FBXO9: variants seen among roughly 807,000 people sequenced by gnomAD.
FBXO9 encodes F-box only protein 9.
FBXO9 carries 43 observed loss-of-function variants against 63.7 expected under a neutral mutation model. That is an observed-to-expected ratio of 0.67 (90% CI 0.53 to 0.87). The LOEUF is 0.87. FBXO9 is among the 40% of genes least tolerant of loss of function. FBXO9 has a pLI of 0.00. For missense variants in FBXO9, 442 were observed against 533.2 expected (o/e 0.83, Z 1.68); for synonymous variants, 156 against 171.7 (o/e 0.91, Z 0.72).
In FBXO9 at chr6:53,065,466, G is replaced by A; in HGVS notation, c.-324G>A. 3.1e-6 allele frequency: 1 copy of A among 317,606 alleles called. No individual in the cohort carries two copies. Among genetic ancestry groups the A allele is most frequent in the Non-Finnish European group, 5.7e-6 (1 of 174,224 alleles). 19.7% of individuals were successfully genotyped at this position (317,606 alleles called of 1,614,324 possible). A position where few individuals can be genotyped will look rare whatever the true frequency, so the allele number is the denominator to read the frequency against. On this transcript the variant is annotated 5_prime_UTR_variant, in exon 1 of 13. Coordinates refer to ENST00000323557, the MANE Select transcript of FBXO9 (RefSeq NM_033480.3). ...GGGCAGCTCCGCGGCGGCGTCCGGG[G>A]TCTCCAGTAGGGCTGACGCTCCGGT...
At position 53,095,726 on chromosome 6, in the gene FBXO9, A is replaced by T. The variant is rs1359041245; in HGVS notation, c.1205+62A>T. The T allele has an allele frequency of 2.8e-6, 4 of 1,419,818 alleles. No individual in the cohort carries two copies. In the African/African-American group the frequency reaches 5.8e-5, roughly 20 times the overall value. The allele number at this position is 1,419,818 out of a possible 1,614,324, so 88.0% of individuals were successfully genotyped here. A position where few individuals can be genotyped will look rare whatever the true frequency, so the allele number is the denominator to read the frequency against. ...TAAATGTATACTTCGTATCCAGCTT[A>T]AGAATTTCAGATATGTTTCTAATTT... On this transcript the variant is annotated intron_variant, in intron 12 of 12. Coordinates refer to ENST00000323557, the MANE Select transcript of FBXO9 (RefSeq NM_033480.3).
chr6:53,094,029 A>G, intron 11 of FBXO9, 51 bp downstream of exon 11: 1 of 1,173,388 alleles, frequency 8.5e-7, no homozygotes, highest in Non-Finnish European at 1.2e-6. Context: ...TAGCCTATTC[A>G]TCCAAGCAGT....
intron 6 of FBXO9, among the ~76,000 whole-genome samples, chr6:53,081,316 G>T (rs1228576266): frequency 6.6e-6 from 1 of 152,188 alleles, no homozygotes; most frequent in Non-Finnish European, 1.5e-5. Context: ...CTGTCACCCA[G>T]GCTGGAGTGC....
intron 12 of FBXO9, among the ~76,000 whole-genome samples, chr6:53,096,154 T>TG (rs1394936724): frequency 6.6e-6 from 1 of 152,222 alleles, no homozygotes; most frequent in Non-Finnish European, 1.5e-5. Flanking sequence ...ATTTGTTAGG[T>TG]GATTCCTATT....
Position 53,095,486 on chromosome 6 carries a change from ATAACTTAT to A in FBXO9, c.1054-26_1054-19del. On this transcript the variant is annotated intron_variant, in intron 11 of 12. Transcript: ENST00000323557. Reference sequence around the variant, plus strand: ...CATAGAAGTGAGGTAAGGTTTCATTATAACTTATGCATCTTTTCTTTTGCAGAAACCAC... The same window carrying A: ...CATAGAAGTGAGGTAAGGTTTCATTAGCATCTTTTCTTTTGCAGAAACCAC... The A allele has an allele frequency of 6.3e-7, 1 of 1,583,294 alleles. No individual in the cohort carries two copies. Among genetic ancestry groups the A allele is most frequent in the Non-Finnish European group, 8.6e-7 (1 of 1,164,734 alleles).
intron 11 of FBXO9, 89 bp downstream of exon 11, chr6:53,094,067 C>G (rs1018128798): frequency 4.0e-5 from 27 of 672,762 alleles, no homozygotes; most frequent in South Asian, 1.3e-4. Context: ...CAAAAAAAAC[C>G]CTTTCTGATT....
intron 1 of FBXO9, chr6:53,068,146 T>G (rs1315270140): frequency 1.3e-5 from 2 of 152,100 alleles, no homozygotes; most frequent in Non-Finnish European, 2.9e-5. Flanking sequence ...TTGTAAAACT[T>G]ACCATCTTTG....
intron 4 of FBXO9, 126 bp downstream of exon 4, chr6:53,076,669 A>C: frequency 1.6e-6 from 1 of 641,682 alleles, no homozygotes; most frequent in Middle Eastern, 4.4e-4. Flanking sequence ...TTCTTCCTTC[A>C]GTACTCATTG....
intron 12 of FBXO9, among the ~76,000 whole-genome samples, chr6:53,096,778 A>T (rs904381150): frequency 1.2e-4 from 18 of 152,130 alleles, no homozygotes; most frequent in African/African-American, 4.3e-4. Flanking sequence ...GGTGGTATGC[A>T]TCTTGAAGTC....
chr6:53,078,902 C>A lies in FBXO9; in HGVS notation c.407+4C>A. ...GTGATGGCGTTGGAAACAGCTAGTG[C>A]GTATATAATTTGATAGATAGTAATG... On this transcript the variant is annotated splice_donor_region_variant and intron_variant, in intron 5 of 12. Coordinates refer to ENST00000323557, the MANE Select transcript of FBXO9 (RefSeq NM_033480.3). 6.2e-7 allele frequency: 1 copy of A among 1,605,440 alleles called. No homozygotes were observed. The highest frequency in any genetic ancestry group is 8.5e-7 in the Non-Finnish European group (1 of 1,172,288).
At chr6:53,073,426 TC>T in intron 2 of FBXO9, 54 bp from the exon 3 acceptor site, 1 of 1,495,510 alleles carries the variant, frequency 6.7e-7, no homozygotes, top group Non-Finnish European at 9.2e-7. Flanking sequence ...GATACATTGT[TC>T]CAGAGTTGAG....
chr6:53,093,443 G>A (rs1436227308), intron 9 of FBXO9, 23 bp from the exon 10 acceptor site: 2 of 1,563,634 alleles, frequency 1.3e-6, no homozygotes, highest in South Asian at 2.2e-5. Flanking sequence ...GTGTGTTTTG[G>A]TCTTCCTTTT....
At chr6:53,092,884 G>A (rs1763084724) in intron 9 of FBXO9, 60 bp downstream of exon 9, 2 of 1,163,156 alleles carry the variant, frequency 1.7e-6, no homozygotes. Context: ...TTAGTTAAAT[G>A]GACATCTGTT....
chr6:53,070,180 G>T (rs1439815526), intron 1 of FBXO9, among the ~76,000 whole-genome samples: 2 of 151,344 alleles, frequency 1.3e-5, no homozygotes, highest in Non-Finnish European at 2.9e-5. Flanking sequence ...CACCACGCCT[G>T]GCTGATTTTT....
intron 3 of FBXO9, among the ~76,000 whole-genome samples, chr6:53,075,697 T>TCAACA: frequency 6.7e-6 from 1 of 149,034 alleles, no homozygotes; most frequent in Non-Finnish European, 1.5e-5. Context: ...AAATATCTGT[T>TCAACA]GATGTCTTTT....
Position 53,069,797 on chromosome 6 carries a change from T to C in FBXO9, c.4-1260T>C, listed in dbSNP as rs1768843523. On this transcript the variant is annotated intron_variant, in intron 1 of 12. Transcript: ENST00000323557. ...CTGTGAAATATATGTATTTTACATA[T>C]GACATCTTGAGAAATATGAATACTG... 2.0e-5 allele frequency among the ~76,000 whole-genome samples: 3 copies of C among 152,156 alleles called. No individual in the cohort carries two copies. In the South Asian group the frequency reaches 6.2e-4, roughly 31 times the overall value.
chr6:53,097,926 G>GTATATATATATATATATATATATATA lies in FBXO9; in HGVS notation c.*120_*145dup, dbSNP rs57607929. 1.1e-5 allele frequency: 1 copy of GTATATATATATATATATATATATATA among 88,296 alleles called. No individual in the cohort carries two copies. The highest frequency in any genetic ancestry group is 5.5e-5 in the African/African-American group (1 of 18,068). The allele number at this position is 88,296 out of a possible 1,614,324, so 5.5% of individuals were successfully genotyped here. The stretch of plus-strand genomic sequence containing the variant: ...TAAATGTGTGTGTGTGCGTGTGTGT[G>GTATATATATATATATATATATATATA]TATATATATATATATATATATATAT... On this transcript the variant is annotated 3_prime_UTR_variant, in exon 13 of 13. Coordinates refer to ENST00000323557, the MANE Select transcript of FBXO9 (RefSeq NM_033480.3).
At position 53,081,056 on chromosome 6, in the gene FBXO9, C is replaced by G. The variant is rs753128631; in HGVS notation, c.496C>G (p.Leu166Val). ...QLTFQESVLKLCQPELESSQI... is the reference protein window; with the variant it reads ...QLTFQESVLKVCQPELESSQI... ...CACATTTCAGGAGTCTGTGCTTAAA[C>G]TGTGTCAGCCTGAGCTTGAGAGCAG... Residue 166 changes from leucine (L) to valine (V), a missense_variant, in exon 6 of 13, where the codon CTG becomes GTG. Transcript: ENST00000323557. The G allele has an allele frequency of 3.1e-6, 5 of 1,613,090 alleles. No individual in the cohort carries two copies. The South Asian group carries it at 5.5e-5, about 18-fold the overall frequency.
chr6:53,091,905 C>T (rs186546607), intron 7 of FBXO9: 1 of 155,146 alleles, frequency 6.4e-6, no homozygotes, highest in East Asian at 1.9e-4. Flanking sequence ...TGTTCAAAAC[C>T]CTCCAGTGGC....
Sources: allele counts gnomAD v4.1 joint callset (sites outside exome capture counted in the v4.1 genomes callset), GRCh38; gene constraint gnomAD v4.1.1; transcripts MANE v1.5; gene names NCBI Gene and HGNC (gene_info 2026-07-23, HGNC 2026-07-21).